Variants in MAP3K13 observed in about 807,000 individuals in gnomAD.
MAP3K13 encodes mitogen-activated protein kinase kinase kinase 13.
A neutral mutation model predicts 104.0 loss-of-function variants in MAP3K13; 52 were observed. That is an observed-to-expected ratio of 0.50 (90% CI 0.40 to 0.63). The LOEUF is 0.63. Among genes scored for constraint, MAP3K13 ranks in the 20% least tolerant of loss-of-function variants. MAP3K13 has a pLI of 0.00. For missense variants in MAP3K13, 914 were observed against 1,218.5 expected, an observed-to-expected ratio of 0.75 and a Z score of 3.72; for synonymous variants, 394 against 442.2, an observed-to-expected ratio of 0.89 and a Z score of 1.37.
At chr3:185,421,159 C>A (rs1714099756) in intron 1 of MAP3K13, among the ~76,000 whole-genome samples, 1 of 151,806 alleles carries the variant, frequency 6.6e-6, no homozygotes, top group Admixed American at 6.6e-5. Context: ...CTTTTCTTTT[C>A]TTTTCTTTTT....
intron 1 of MAP3K13, among the ~76,000 whole-genome samples, chr3:185,408,260 G>A (rs1464801134): frequency 6.6e-6 from 1 of 151,998 alleles, no homozygotes; most frequent in Non-Finnish European, 1.5e-5. Context: ...TTTATGGTAA[G>A]CTCTCAATAA....
At chr3:185,333,946 C>T (rs1384828810) in intron 2 of MAP3K13, among the ~76,000 whole-genome samples, 1 of 151,970 alleles carries the variant, frequency 6.6e-6, no homozygotes, top group African/African-American at 2.4e-5. Context: ...CTCAGCTACT[C>T]AGGAGGGTGA....
At chr3:185,324,795 G>C (rs1221292862) in intron 2 of MAP3K13, among the ~76,000 whole-genome samples, 1 of 116,648 alleles carries the variant, frequency 8.6e-6, no homozygotes, top group Non-Finnish European at 1.9e-5. Flanking sequence ...TAATCACTAA[G>C]AACCGGCACA....
At position 185,487,998 on chromosome 3, in the gene MAP3K13, C is replaced by T. The variant is rs1718800896; in HGVS notation, c.*5542C>T. 1 of 152,220 alleles carries T rather than the reference C, an allele frequency of 6.6e-6. No homozygotes were observed. The highest frequency in any genetic ancestry group is 1.5e-5 in the Non-Finnish European group (1 of 68,040). The allele number at this position is 152,220 out of a possible 1,614,324, so 9.4% of individuals were successfully genotyped here. A position where few individuals can be genotyped will look rare whatever the true frequency, so the allele number is the denominator to read the frequency against. On this transcript the variant is annotated 3_prime_UTR_variant, in exon 14 of 14. Transcript: ENST00000265026. Reference sequence around the variant, plus strand: ...AAAGGCCACTTGCCTCTACCCACTGCCCTTTTGGACAACAATTCCAATTGA... The same window carrying T: ...AAAGGCCACTTGCCTCTACCCACTGTCCTTTTGGACAACAATTCCAATTGA...
intron 2 of MAP3K13, among the ~76,000 whole-genome samples, chr3:185,357,447 T>TAAAAAAA (rs71162295): frequency 2.0e-3 from 184 of 90,436 alleles, no homozygotes; most frequent in Middle Eastern, 5.7e-3. Flanking sequence ...AAACTCCATC[T>TAAAAAAA]AAAAAAAAAA....
chr3:185,404,183 G>A (rs1196076983), intron 1 of MAP3K13, among the ~76,000 whole-genome samples: 1 of 152,214 alleles, frequency 6.6e-6, no homozygotes, highest in East Asian at 1.9e-4. Context: ...TTAAATACTG[G>A]AAATAGATAA....
At chr3:185,302,250 A>C (rs952094308) in intron 2 of MAP3K13, among the ~76,000 whole-genome samples, 3 of 146,876 alleles carry the variant, frequency 2.0e-5, no homozygotes, top group African/African-American at 5.0e-5. Context: ...TAAAAATACA[A>C]AAAAAAAAAA....
chr3:185,404,671 G>T (rs1179797039), intron 1 of MAP3K13, among the ~76,000 whole-genome samples: 1 of 152,038 alleles, frequency 6.6e-6, no homozygotes, highest in Non-Finnish European at 1.5e-5. Context: ...CAGCCTTCTG[G>T]GTTCAAGTGA....
chr3:185,379,913 C>T lies in MAP3K13; in HGVS notation c.-86+16545C>T, dbSNP rs9819019. 6.1e-3 allele frequency among the ~76,000 whole-genome samples: 926 copies of T among 152,116 alleles called. 7 individuals carry two copies. Among genetic ancestry groups the T allele is most frequent in the African/African-American group, 0.02 (835 of 41,498 alleles). Reference sequence around the variant, plus strand: ...AGAAGTGCTCATTCTTGGCCGGGTGCAGTGGCTCACGCCTGTAATCCAAGC... The same window carrying T: ...AGAAGTGCTCATTCTTGGCCGGGTGTAGTGGCTCACGCCTGTAATCCAAGC... On this transcript the variant is annotated intron_variant, in intron 1 of 13. Transcript: ENST00000265026.
intron 1 of MAP3K13, among the ~76,000 whole-genome samples, chr3:185,413,747 G>A (rs978881803): frequency 1.1e-4 from 16 of 152,068 alleles, no homozygotes; most frequent in African/African-American, 3.6e-4. Flanking sequence ...ATTTGAACCC[G>A]GGAGGCAGAT....
chr3:185,464,979 C>G (rs1717327167), intron 8 of MAP3K13, among the ~76,000 whole-genome samples: 2 of 151,924 alleles, frequency 1.3e-5, no homozygotes, highest in African/African-American at 2.4e-5. Context: ...CCTAAAGACC[C>G]CACCTATTTA....
At chr3:185,371,817 A>G (rs990227316) in intron 1 of MAP3K13, among the ~76,000 whole-genome samples, 1 of 152,200 alleles carries the variant, frequency 6.6e-6, no homozygotes, top group Admixed American at 6.5e-5. Flanking sequence ...GGGGGCTGTC[A>G]CAGTTGCCAT....
intron 4 of MAP3K13, among the ~76,000 whole-genome samples, chr3:185,444,316 A>G (rs1372828616): frequency 6.7e-6 from 1 of 150,080 alleles, no homozygotes; most frequent in East Asian, 2.0e-4. Context: ...AGCCTGGGTG[A>G]CAGAGCAAGA....
chr3:185,439,135 T>G (rs1303082317), intron 3 of MAP3K13, among the ~76,000 whole-genome samples: 1 of 152,070 alleles, frequency 6.6e-6, no homozygotes, highest in Non-Finnish European at 1.5e-5. Flanking sequence ...TGAGTTTTGA[T>G]TCCCAAACAA....
chr3:185,303,138 T>C (rs1313336988), intron 2 of MAP3K13, among the ~76,000 whole-genome samples: 2 of 152,252 alleles, frequency 1.3e-5, no homozygotes, highest in Non-Finnish European at 2.9e-5. Context: ...ATTATATTGA[T>C]TGATTTCATA....
At chr3:185,455,707 T>TATATATATCATATATATG in intron 7 of MAP3K13, among the ~76,000 whole-genome samples, 1 of 12,136 alleles carries the variant, frequency 8.2e-5, no homozygotes, top group South Asian at 4.0e-3. Context: ...ATATATGAGA[T>TATATATATCATATATATG]ATATATGAGA....
At chr3:185,364,196 AT>A (rs2108743862) in intron 1 of MAP3K13, among the ~76,000 whole-genome samples, 1 of 152,360 alleles carries the variant, frequency 6.6e-6, no homozygotes, top group Non-Finnish European at 1.5e-5. Flanking sequence ...GATATGTTCC[AT>A]GTATAAAGTT....
intron 10 of MAP3K13, among the ~76,000 whole-genome samples, chr3:185,468,222 G>A (rs950256690): frequency 1.3e-5 from 2 of 152,082 alleles, no homozygotes; most frequent in South Asian, 2.1e-4. Flanking sequence ...CAAAAGCAGG[G>A]CCTTTGATAA....
chr3:185,376,885 G>A (rs1018913236), intron 1 of MAP3K13, among the ~76,000 whole-genome samples: 5 of 152,116 alleles, frequency 3.3e-5, no homozygotes, highest in Admixed American at 1.3e-4. Flanking sequence ...AAAGTAATGG[G>A]GGCTGTCTGT....
Sources: gnomAD v4.1 joint callset for allele counts (sites outside exome capture counted in the v4.1 genomes callset) on GRCh38, gnomAD v4.1.1 for gene constraint, MANE v1.5 for transcripts, NCBI Gene and HGNC (gene_info 2026-07-23, HGNC 2026-07-21) for gene names.